The following UGT8 variants were observed in gnomAD, a reference collection of about 807,000 sequenced individuals.
UGT8 encodes the protein UDP glycosyltransferase 8, also known as 2-hydroxyacylsphingosine 1-beta-galactosyltransferase.
A neutral mutation model predicts 40.5 loss-of-function variants in UGT8; 12 were observed. That is an observed-to-expected ratio of 0.30 (90% CI 0.19 to 0.48). The LOEUF is 0.48. Among genes scored for constraint, UGT8 ranks in the 20% least tolerant of loss-of-function variants. UGT8 has a pLI of 0.99. For missense variants in UGT8, 513 were observed against 648.7 expected (o/e 0.79, Z 2.27); for synonymous variants, 224 against 240.4 (o/e 0.93, Z 0.63).
chr4:114,614,241 A>G (rs1159103978), intron 1 of UGT8, among the ~76,000 whole-genome samples: 1 of 152,180 alleles, frequency 6.6e-6, no homozygotes, highest in Admixed American at 6.5e-5. Flanking sequence ...AACTGTCTTT[A>G]TAACCTCTCC....
upstream of UGT8, chr4:114,598,469 C>G (rs759585913): frequency 6.6e-6 from 1 of 152,266 alleles, no homozygotes; most frequent in South Asian, 2.1e-4. Context: ...CAACCTCGCT[C>G]AGCGGACGAC....
intron 1 of UGT8, among the ~76,000 whole-genome samples, chr4:114,600,644 T>G (rs1195519852): frequency 6.6e-6 from 1 of 152,198 alleles, no homozygotes; most frequent in East Asian, 1.9e-4. Flanking sequence ...ATGGTTATCT[T>G]TAACCAATAT....
intron 2 of UGT8, among the ~76,000 whole-genome samples, chr4:114,639,472 A>T (rs1733083281): frequency 6.6e-6 from 1 of 152,236 alleles, no homozygotes; most frequent in African/African-American, 2.4e-5. Flanking sequence ...AGGTAGCCTT[A>T]CTGGCCTTTA....
At position 114,657,662 on chromosome 4, in the gene UGT8, G is replaced by C. The variant is rs151256548; in HGVS notation, c.823-6333G>C. Among the ~76,000 whole-genome samples the C allele has an allele frequency of 2.1e-3, 316 of 151,932 alleles. 2 individuals are homozygous for C. Among genetic ancestry groups the C allele is most frequent in the African/African-American group, 7.3e-3 (301 of 41,480 alleles). The stretch of plus-strand genomic sequence containing the variant: ...AAACATAGTGAACAAATACAACTGA[G>C]AGAAAATATCTTGGTGCAGAATGAC... On this transcript the variant is annotated intron_variant, in intron 2 of 5. Transcript: ENST00000310836.
At chr4:114,649,956 A>G (rs1205029846) in intron 2 of UGT8, among the ~76,000 whole-genome samples, 2 of 152,238 alleles carry the variant, frequency 1.3e-5, no homozygotes, top group Non-Finnish European at 2.9e-5. Context: ...ATAAACACTG[A>G]TATAAAATTA....
intron 5 of UGT8, among the ~76,000 whole-genome samples, chr4:114,673,289 T>A (rs1486452021): frequency 2.0e-5 from 3 of 152,218 alleles, no homozygotes; most frequent in Non-Finnish European, 2.9e-5. Context: ...AGTTTCAGCA[T>A]GGAAAATACC....
At chr4:114,656,739 C>T (rs1734212050) in intron 2 of UGT8, 1 of 499,760 alleles carries the variant, frequency 2.0e-6, no homozygotes, top group Non-Finnish European at 4.1e-6. Context: ...AAGTTTCAGG[C>T]ACCCAAGGCA....
intron 1 of UGT8, among the ~76,000 whole-genome samples, chr4:114,616,129 TCAGA>T: frequency 6.6e-6 from 1 of 152,306 alleles, no homozygotes; most frequent in South Asian, 2.1e-4. Context: ...TTCAAAGCTG[TCAGA>T]CAGGGACATT....
At chr4:114,655,391 T>C (rs188582081) in intron 2 of UGT8, among the ~76,000 whole-genome samples, 251 of 152,158 alleles carry the variant, frequency 1.6e-3, no homozygotes, top group African/African-American at 5.7e-3. Context: ...TAAGTTGTTT[T>C]GAAACAAAGA....
chr4:114,665,735 T>A lies in UGT8; in HGVS notation c.1021T>A (p.Leu341Ile), dbSNP rs1388539358. ...LGNNTKLIEW[L>I]PQNDLLGHSK... Reference sequence around the variant, plus strand: ...AAACAACACTAAACTCATAGAATGGTTACCACAAAATGACCTGCTTGGTAA... The same window carrying A: ...AAACAACACTAAACTCATAGAATGGATACCACAAAATGACCTGCTTGGTAA... The change falls in exon 4 of 6, where the codon TTA (leucine) becomes ATA (isoleucine). Residue 341 changes from leucine to isoleucine, a missense_variant. Coordinates refer to ENST00000310836, the MANE Select transcript of UGT8 (RefSeq NM_001128174.3). 6.2e-7 allele frequency: 1 copy of A among 1,609,962 alleles called. No individual in the cohort carries two copies. The highest frequency in any genetic ancestry group is 2.2e-5 in the East Asian group (1 of 44,694).
chr4:114,660,651 G>T (rs973673415), intron 2 of UGT8, among the ~76,000 whole-genome samples: 1 of 152,018 alleles, frequency 6.6e-6, no homozygotes, highest in Non-Finnish European at 1.5e-5. Flanking sequence ...ACAGCACTTT[G>T]GGAGGCCAAG....
At chr4:114,608,612 GAT>G (rs567994482) in intron 1 of UGT8, among the ~76,000 whole-genome samples, 303 of 152,060 alleles carry the variant, frequency 2.0e-3, no homozygotes, top group African/African-American at 7.0e-3. Flanking sequence ...AAAAAAGTTT[GAT>G]ATATAGAAAG....
chr4:114,660,355 C>T (rs1265658988), intron 2 of UGT8, among the ~76,000 whole-genome samples: 1 of 152,008 alleles, frequency 6.6e-6, no homozygotes, highest in Non-Finnish European at 1.5e-5. Flanking sequence ...ACTATATAGA[C>T]AATATGAAAA....
chr4:114,657,330 A>C (rs1734251308), intron 2 of UGT8, among the ~76,000 whole-genome samples: 1 of 152,148 alleles, frequency 6.6e-6, no homozygotes, highest in Admixed American at 6.6e-5. Context: ...TCAAGCTCAC[A>C]ATGAAGAAAA....
intron 1 of UGT8, among the ~76,000 whole-genome samples, chr4:114,599,627 C>T (rs953428538): frequency 5.3e-5 from 8 of 152,174 alleles, no homozygotes; most frequent in African/African-American, 1.9e-4. Context: ...GGTCCCCGCG[C>T]CGATTTGGGA....
Position 114,676,627 on chromosome 4 carries a change from A to ATG in UGT8, c.*351_*352dup, listed in dbSNP as rs771625987. ...AGGAATGGTTTCATTTTTCTTAATA[A>ATG]TGTGTGTGTGTGTATGTGTGTGTGT... On this transcript the variant is annotated 3_prime_UTR_variant, in exon 6 of 6. Transcript: ENST00000310836. The ATG allele has an allele frequency of 8.2e-5, 18 of 220,856 alleles. No individual in the cohort carries two copies. Among genetic ancestry groups the ATG allele is most frequent in the East Asian group, 5.9e-4 (5 of 8,544 alleles). The allele number at this position is 220,856 out of a possible 1,614,324, so 13.7% of individuals were successfully genotyped here. A position where few individuals can be genotyped will look rare whatever the true frequency, so the allele number is the denominator to read the frequency against.
chr4:114,634,020 T>C (rs1732738481), intron 2 of UGT8, among the ~76,000 whole-genome samples: 2 of 151,768 alleles, frequency 1.3e-5, no homozygotes, highest in South Asian at 4.2e-4. Flanking sequence ...GCAGGATCAA[T>C]TGGGTGAATG....
intron 1 of UGT8, among the ~76,000 whole-genome samples, chr4:114,611,658 A>G (rs1731098784): frequency 6.7e-6 from 1 of 150,338 alleles, no homozygotes; most frequent in Admixed American, 6.7e-5. Flanking sequence ...TCTTACCTGT[A>G]TAATCATAGA....
At chr4:114,675,064 T>C (rs1384417059) in intron 5 of UGT8, among the ~76,000 whole-genome samples, 1 of 152,234 alleles carries the variant, frequency 6.6e-6, no homozygotes, top group East Asian at 1.9e-4. Context: ...ATATACTGCA[T>C]ATAACATCAA....
Sources: allele counts gnomAD v4.1 joint callset (sites outside exome capture counted in the v4.1 genomes callset), GRCh38; gene constraint gnomAD v4.1.1; transcripts MANE v1.5; gene names NCBI Gene and HGNC (gene_info 2026-07-23, HGNC 2026-07-21).